The following HS3ST4 variants were observed in gnomAD, a reference collection of about 807,000 sequenced individuals.
HS3ST4 encodes the protein heparan sulfate-glucosamine 3-sulfotransferase 4, also known as heparan sulfate glucosamine 3-O-sulfotransferase 4.
In HS3ST4, 17 loss-of-function variants were observed where a neutral mutation model predicts 29.2. The observed-to-expected ratio is 0.58, with a 90% CI of 0.40 to 0.87. The LOEUF (loss-of-function observed/expected upper bound fraction) is 0.87, where lower values mean the gene tolerates loss of function less well. Ranked by LOEUF, HS3ST4 falls within the 40% of genes least tolerant of loss-of-function variation. HS3ST4 has a pLI of 0.00. For missense variants in HS3ST4, 627 were observed against 634.5 expected (o/e 0.99, Z 0.13); for synonymous variants, 314 against 285.7 (o/e 1.10, Z -1.00).
intron 1 of HS3ST4, among the ~76,000 whole-genome samples, chr16:25,864,140 A>G (rs1387659038): frequency 2.0e-5 from 3 of 152,224 alleles, no homozygotes. Flanking sequence ...CTAATGGCTC[A>G]TATCAACCTC....
intron 1 of HS3ST4, among the ~76,000 whole-genome samples, chr16:25,858,370 A>T (rs965167418): frequency 2.0e-5 from 3 of 152,148 alleles, no homozygotes; most frequent in Non-Finnish European, 1.5e-5. Context: ...CTTATTATCA[A>T]TACATTCTGT....
chr16:26,115,060 T>C (rs1371526263), intron 1 of HS3ST4, among the ~76,000 whole-genome samples: 1 of 152,142 alleles, frequency 6.6e-6, no homozygotes, highest in Non-Finnish European at 1.5e-5. Context: ...ATATGTACCC[T>C]GATATGCAAA....
intron 1 of HS3ST4, among the ~76,000 whole-genome samples, chr16:26,048,160 C>T (rs955400804): frequency 1.3e-5 from 2 of 152,220 alleles, no homozygotes; most frequent in African/African-American, 4.8e-5. Context: ...TGTAAGGACA[C>T]TGTTCAGATT....
At chr16:26,022,466 T>A (rs8064136) in intron 1 of HS3ST4, among the ~76,000 whole-genome samples, 106,368 of 152,020 alleles carry the variant, frequency 0.7, 38,692 homozygotes, top group African/African-American at 0.9. Context: ...GGGCCCACAG[T>A]CTTTTTCTAT....
intron 1 of HS3ST4, among the ~76,000 whole-genome samples, chr16:25,782,557 T>G (rs1966853615): frequency 6.6e-6 from 1 of 152,220 alleles, no homozygotes; most frequent in Non-Finnish European, 1.5e-5. Flanking sequence ...CAGGTTGCAC[T>G]GGATACCCTC....
At chr16:25,968,167 G>A (rs148624052) in intron 1 of HS3ST4, among the ~76,000 whole-genome samples, 2 of 152,274 alleles carry the variant, frequency 1.3e-5, no homozygotes, top group Admixed American at 1.3e-4. Flanking sequence ...AACTGATGAT[G>A]GAAGGACTGC....
intron 1 of HS3ST4, among the ~76,000 whole-genome samples, chr16:25,731,803 G>A (rs1275951812): frequency 6.6e-6 from 1 of 152,188 alleles, no homozygotes; most frequent in Non-Finnish European, 1.5e-5. Context: ...ACAGACTCCG[G>A]TTGAGGCAAG....
At chr16:26,094,576 T>G (rs2141792100) in intron 1 of HS3ST4, among the ~76,000 whole-genome samples, 1 of 152,320 alleles carries the variant, frequency 6.6e-6, no homozygotes, top group African/African-American at 2.4e-5. Flanking sequence ...AGAGATTTTG[T>G]CACCACCAGG....
chr16:25,949,268 A>G (rs1394361795), intron 1 of HS3ST4, among the ~76,000 whole-genome samples: 1 of 152,162 alleles, frequency 6.6e-6, no homozygotes, highest in Non-Finnish European at 1.5e-5. Context: ...TATCATGACT[A>G]TAGTCATCCT....
intron 1 of HS3ST4, among the ~76,000 whole-genome samples, chr16:26,013,130 C>T (rs986315426): frequency 1.3e-5 from 2 of 152,054 alleles, no homozygotes; most frequent in Admixed American, 1.3e-4. Flanking sequence ...TGCCACTGTA[C>T]TCTAGCCTGG....
chr16:25,956,842 C>CA (rs1261881782), intron 1 of HS3ST4, among the ~76,000 whole-genome samples: 2 of 151,822 alleles, frequency 1.3e-5, no homozygotes, highest in Non-Finnish European at 2.9e-5. Context: ...ACTAAAAATA[C>CA]AAAAAATTAG....
intron 1 of HS3ST4, among the ~76,000 whole-genome samples, chr16:26,081,308 A>T (rs914899808): frequency 4.7e-5 from 7 of 147,502 alleles, no homozygotes; most frequent in Non-Finnish European, 7.5e-5. Flanking sequence ...AAAAAAATTC[A>T]GATTTAACAC....
chr16:26,112,076 C>G (rs1899138955), intron 1 of HS3ST4, among the ~76,000 whole-genome samples: 1 of 151,894 alleles, frequency 6.6e-6, no homozygotes, highest in Admixed American at 6.6e-5. Flanking sequence ...AACTCTTGCC[C>G]CAGTAGATGG....
intron 1 of HS3ST4, among the ~76,000 whole-genome samples, chr16:26,118,590 ATT>A (rs1434030301): frequency 2.6e-5 from 4 of 152,164 alleles, no homozygotes; most frequent in Admixed American, 1.3e-4. Context: ...ATTTTATTCA[ATT>A]TTAGTTAATT....
chr16:26,038,940 C>T (rs1281155897), intron 1 of HS3ST4, among the ~76,000 whole-genome samples: 1 of 152,098 alleles, frequency 6.6e-6, no homozygotes, highest in Non-Finnish European at 1.5e-5. Flanking sequence ...ACCTCAGCCT[C>T]CCAAAGTGCT....
chr16:25,736,093 G>A (rs1212861180), intron 1 of HS3ST4, among the ~76,000 whole-genome samples: 1 of 152,166 alleles, frequency 6.6e-6, no homozygotes, highest in Non-Finnish European at 1.5e-5. Flanking sequence ...ATCTGTCCTA[G>A]GCTAGGTTTT....
intron 1 of HS3ST4, among the ~76,000 whole-genome samples, chr16:26,075,191 C>CA (rs973511302): frequency 1.5e-4 from 22 of 150,626 alleles, no homozygotes; most frequent in South Asian, 4.2e-4. Context: ...GACTCTGTCT[C>CA]AAAAAAAAAG....
chr16:25,943,068 T>A (rs1031004115), intron 1 of HS3ST4, among the ~76,000 whole-genome samples: 2 of 152,222 alleles, frequency 1.3e-5, no homozygotes, highest in African/African-American at 2.4e-5. Flanking sequence ...ATAATTCTAA[T>A]AATAAAAATC....
chr16:25,810,558 G>A (rs896239389), intron 1 of HS3ST4, among the ~76,000 whole-genome samples: 2 of 152,062 alleles, frequency 1.3e-5, no homozygotes, highest in East Asian at 1.9e-4. Flanking sequence ...GGGTGTTGAC[G>A]CCCCCAGTTT....
Sources: allele counts gnomAD v4.1 joint callset (sites outside exome capture counted in the v4.1 genomes callset), GRCh38; gene constraint gnomAD v4.1.1; transcripts MANE v1.5; gene names NCBI Gene and HGNC (gene_info 2026-07-23, HGNC 2026-07-21).